The following BCAS3 variants were observed in gnomAD, a reference collection of about 807,000 sequenced individuals.
BCAS3 encodes BCAS3 microtubule associated cell migration factor.
Under a neutral mutation model 116.1 loss-of-function variants are expected in BCAS3, and 53 were observed. The ratio of observed to expected loss-of-function variants is 0.46; its 90% CI spans 0.37 to 0.57. The LOEUF is 0.57. BCAS3 is among the 20% of genes least tolerant of loss of function. The probability of loss-of-function intolerance (pLI) is 0.00; values close to 1 mark genes in which losing one functional copy is unlikely to be tolerated. For missense variants in BCAS3, 917 were observed against 1,165.4 expected, an observed-to-expected ratio of 0.79 and a Z score of 3.10; for synonymous variants, 391 against 408.2, an observed-to-expected ratio of 0.96 and a Z score of 0.51.
chr17:61,189,408 G>T lies in BCAS3; in HGVS notation c.2425+104844G>T, dbSNP rs2079969832. On this transcript the variant is annotated intron_variant, in intron 22 of 23. Coordinates refer to ENST00000407086, the MANE Select transcript of BCAS3 (RefSeq NM_017679.5). The surrounding 1 kb of genome is among the most constrained non-coding windows in gnomAD (Gnocchi z 4.5). ...ATAAGATATTAATCCAGAGCAGTGT[G>T]TATTTTAGTTAAGGAACTTGGACTT... Among the ~76,000 whole-genome samples, 1 of 152,202 alleles carries T rather than the reference G, an allele frequency of 6.6e-6. No homozygotes were observed. Among genetic ancestry groups the T allele is most frequent in the Non-Finnish European group, 1.5e-5 (1 of 68,040 alleles).
chr17:61,022,388 C>T (rs1229155486), intron 16 of BCAS3, among the ~76,000 whole-genome samples: 1 of 151,940 alleles, frequency 6.6e-6, no homozygotes, highest in Non-Finnish European at 1.5e-5. Flanking sequence ...TAGCTGGAGG[C>T]GCCCGCCACC....
chr17:60,882,191 A>C (rs1019668984), intron 9 of BCAS3, among the ~76,000 whole-genome samples: 4 of 152,212 alleles, frequency 2.6e-5, no homozygotes, highest in African/African-American at 4.8e-5. Flanking sequence ...CTGATGGCCA[A>C]TGATGATGAG....
In BCAS3 at chr17:61,233,521, T is replaced by G. The variant is rs1181388001; in HGVS notation, c.2426-134806T>G. ...TGTCTTGTGATCAAAACACAGTAAA[T>G]GAAGGGCTTCCCTGAAAGGTGGAGC... On this transcript the variant is annotated intron_variant, in intron 22 of 23. Coordinates refer to ENST00000407086, the MANE Select transcript of BCAS3 (RefSeq NM_017679.5). The surrounding 1 kb of genome is among the most constrained non-coding windows in gnomAD (Gnocchi z 4.3). 6.6e-6 allele frequency among the ~76,000 whole-genome samples: 1 copy of G among 152,186 alleles called. No individual in the cohort carries two copies. Among genetic ancestry groups the G allele is most frequent in the Admixed American group, 6.5e-5 (1 of 15,276 alleles).
intron 4 of BCAS3, among the ~76,000 whole-genome samples, chr17:60,700,279 G>T (rs2036221989): frequency 6.6e-6 from 1 of 152,194 alleles, no homozygotes; most frequent in African/African-American, 2.4e-5. Flanking sequence ...CTTAGACAGG[G>T]TGGTGGTGGT....
At chr17:60,914,356 A>C (rs1306402145) in intron 12 of BCAS3, among the ~76,000 whole-genome samples, 1 of 152,180 alleles carries the variant, frequency 6.6e-6, no homozygotes, top group Non-Finnish European at 1.5e-5. Flanking sequence ...ACATTCAAAG[A>C]ATCTTACGTA....
At chr17:61,111,195 G>A (rs1023600389) in intron 22 of BCAS3, among the ~76,000 whole-genome samples, 1 of 151,980 alleles carries the variant, frequency 6.6e-6, no homozygotes, top group Non-Finnish European at 1.5e-5. Context: ...TCCTCCAAAG[G>A]AACGCAGTTC....
intron 7 of BCAS3, among the ~76,000 whole-genome samples, chr17:60,839,877 T>C (rs955959164): frequency 2.0e-4 from 31 of 152,210 alleles, no homozygotes; most frequent in Non-Finnish European, 2.9e-5. Flanking sequence ...AATGTCACTT[T>C]CTCAAATACT....
Position 60,994,689 on chromosome 17 carries a change from A to G in BCAS3, c.1486+4454A>G, listed in dbSNP as rs1398061324. 6.6e-6 allele frequency among the ~76,000 whole-genome samples: 1 copy of G among 152,088 alleles called. No individual in the cohort carries two copies. Among genetic ancestry groups the G allele is most frequent in the Admixed American group, 6.6e-5 (1 of 15,266 alleles). ...ACCCTTCCCTGAATATGCCACATGT[A>G]TTTATTTTTTGATAACTTTCCTATT... On this transcript the variant is annotated intron_variant, in intron 15 of 23. Transcript: ENST00000407086. This position sits in a 1 kb window ranked among gnomAD's most constrained non-coding sequence, Gnocchi z 4.4.
intron 5 of BCAS3, among the ~76,000 whole-genome samples, chr17:60,709,706 A>G (rs1421166139): frequency 6.6e-6 from 1 of 151,788 alleles, no homozygotes; most frequent in East Asian, 2.0e-4. Flanking sequence ...GTGTATCTTT[A>G]TAGGATAAAT....
chr17:61,022,081 A>T (rs1207782462), intron 16 of BCAS3, among the ~76,000 whole-genome samples: 1 of 152,198 alleles, frequency 6.6e-6, no homozygotes, highest in East Asian at 1.9e-4. Flanking sequence ...ATGTATTTTC[A>T]TTGGAATATG....
At chr17:61,266,671 T>TA (rs1218562089) in intron 22 of BCAS3, among the ~76,000 whole-genome samples, 2 of 152,226 alleles carry the variant, frequency 1.3e-5, no homozygotes, top group Admixed American at 1.3e-4. Context: ...AGGAAATCTT[T>TA]AAAAATATCT....
At chr17:60,924,833 T>C (rs1449718129) in intron 13 of BCAS3, among the ~76,000 whole-genome samples, 1 of 152,004 alleles carries the variant, frequency 6.6e-6, no homozygotes, top group East Asian at 1.9e-4. Flanking sequence ...AGCAGTATTT[T>C]TTTTTTGTAA....
chr17:60,702,095 CACTT>C (rs1341036298), intron 4 of BCAS3, among the ~76,000 whole-genome samples: 1 of 152,196 alleles, frequency 6.6e-6, no homozygotes, highest in African/African-American at 2.4e-5. Flanking sequence ...TGTACACACA[CACTT>C]AACAGACAGT....
intron 7 of BCAS3, among the ~76,000 whole-genome samples, chr17:60,826,334 C>T (rs796639345): frequency 6.6e-5 from 10 of 152,164 alleles, no homozygotes; most frequent in African/African-American, 2.4e-4. Flanking sequence ...CATGAGTGCA[C>T]CACCATGTGC....
chr17:61,201,995 T>TTTGA (rs2080854717), intron 22 of BCAS3, among the ~76,000 whole-genome samples: 1 of 150,818 alleles, frequency 6.6e-6, no homozygotes, highest in Non-Finnish European at 1.5e-5. Flanking sequence ...CCTGACCTCG[T>TTTGA]GATCCTCCCA....
At chr17:60,805,427 C>T (rs1256506554) in intron 6 of BCAS3, among the ~76,000 whole-genome samples, 1 of 151,810 alleles carries the variant, frequency 6.6e-6, no homozygotes, top group Admixed American at 6.6e-5. Context: ...TCTGGGTGGG[C>T]CAAAAAATTA....
intron 20 of BCAS3, 44 bp downstream of exon 20, chr17:61,075,064 G>GT: frequency 6.9e-7 from 1 of 1,452,450 alleles, no homozygotes; most frequent in Non-Finnish European, 9.6e-7. Context: ...AAATAAAACA[G>GT]AAATTTACTG....
At chr17:61,295,120 C>G (rs1340765183) in intron 22 of BCAS3, among the ~76,000 whole-genome samples, 2 of 152,124 alleles carry the variant, frequency 1.3e-5, no homozygotes, top group Non-Finnish European at 2.9e-5. Flanking sequence ...ATGTGCTGTC[C>G]CGAGGCTTCT....
intron 3 of BCAS3, among the ~76,000 whole-genome samples, chr17:60,687,313 A>G (rs1418527028): frequency 6.6e-6 from 1 of 152,162 alleles, no homozygotes; most frequent in Admixed American, 6.6e-5. Context: ...CTATAAAGAC[A>G]TCAGGTGATC....
Sources: gnomAD v4.1 joint callset for allele counts (sites outside exome capture counted in the v4.1 genomes callset) on GRCh38, gnomAD v4.1.1 for gene constraint, Gnocchi (gnomAD v3.1) non-coding constraint, MANE v1.5 for transcripts, NCBI Gene and HGNC (gene_info 2026-07-23, HGNC 2026-07-21) for gene names.